ZC3H18: variants seen among roughly 807,000 people sequenced by gnomAD.
ZC3H18 encodes zinc finger CCCH domain-containing protein 18.
Under a neutral mutation model 106.1 loss-of-function variants are expected in ZC3H18, and 8 were observed. The observed-to-expected ratio is 0.08, with a 90% CI of 0.04 to 0.14. The LOEUF is 0.14. Ranked by LOEUF, ZC3H18 falls within the 10% of genes least tolerant of loss-of-function variation. ZC3H18 has a pLI of 1.00. For synonymous variants in ZC3H18, 635 were observed against 522.1 expected, an observed-to-expected ratio of 1.22 and a Z score of -2.95; for missense variants, 1,318 against 1,278.4, an observed-to-expected ratio of 1.03 and a Z score of -0.47.
chr16:88,616,046 TGACG>T (rs1308056700), intron 8 of ZC3H18, among the ~76,000 whole-genome samples: 3 of 152,108 alleles, frequency 2.0e-5, no homozygotes, highest in African/African-American at 2.4e-5. Flanking sequence ...GGAAAGCGGG[TGACG>T]GATCCCAGGA....
chr16:88,601,310 G>T (rs1904738690), intron 6 of ZC3H18, among the ~76,000 whole-genome samples: 1 of 152,256 alleles, frequency 6.6e-6, no homozygotes, highest in Non-Finnish European at 1.5e-5. Flanking sequence ...AAGCCCTGGA[G>T]GCCTTTGTGT....
chr16:88,600,418 G>A (rs1391280939), intron 6 of ZC3H18, among the ~76,000 whole-genome samples: 1 of 152,078 alleles, frequency 6.6e-6, no homozygotes, highest in Non-Finnish European at 1.5e-5. Flanking sequence ...TTTGTTTTTT[G>A]GTTTTTTTTC....
chr16:88,583,967 A>T (rs1915292204), intron 2 of ZC3H18, among the ~76,000 whole-genome samples: 1 of 152,164 alleles, frequency 6.6e-6, no homozygotes, highest in Non-Finnish European at 1.5e-5. Context: ...TTAGTGTGAC[A>T]ATCTCAGATG....
At chr16:88,619,597 G>A (rs1905835160) in intron 8 of ZC3H18, among the ~76,000 whole-genome samples, 1 of 152,290 alleles carries the variant, frequency 6.6e-6, no homozygotes, top group Non-Finnish European at 1.5e-5. Context: ...TTTCTGGGGG[G>A]CAAGCACCAG....
intron 6 of ZC3H18, among the ~76,000 whole-genome samples, chr16:88,603,180 A>C (rs1904839239): frequency 6.6e-6 from 1 of 151,782 alleles, no homozygotes; most frequent in African/African-American, 2.4e-5. Flanking sequence ...TTAGCCAGGA[A>C]TGGCCTCAAT....
intron 8 of ZC3H18, among the ~76,000 whole-genome samples, chr16:88,620,473 CAA>C: frequency 6.6e-6 from 1 of 151,722 alleles, no homozygotes; most frequent in East Asian, 1.9e-4. Context: ...CCTGGCTACT[CAA>C]GAGGCTGAGG....
chr16:88,591,263 C>A (rs992568826), intron 3 of ZC3H18, among the ~76,000 whole-genome samples: 3 of 151,978 alleles, frequency 2.0e-5, no homozygotes, highest in Admixed American at 1.3e-4. Flanking sequence ...AGTCACTGCA[C>A]CTGGCCTTCT....
At chr16:88,586,437 T>C (rs1915435208) in intron 2 of ZC3H18, among the ~76,000 whole-genome samples, 163 bp from the exon 3 acceptor site, 1 of 152,192 alleles carries the variant, frequency 6.6e-6, no homozygotes, top group Non-Finnish European at 1.5e-5. Context: ...TGATCATCCC[T>C]GCTATGTAGA....
chr16:88,625,386 G>GAGTC (rs752303172), intron 13 of ZC3H18, 119 bp downstream of exon 13: 29 of 1,281,554 alleles, frequency 2.3e-5, no homozygotes, highest in Non-Finnish European at 3.2e-5. Flanking sequence ...TTCTGGATCT[G>GAGTC]AGTCACCCTG....
At chr16:88,593,653 G>A (rs936394000) in intron 3 of ZC3H18, among the ~76,000 whole-genome samples, 4 of 152,188 alleles carry the variant, frequency 2.6e-5, no homozygotes, top group Admixed American at 2.0e-4. Flanking sequence ...CTGGAGCTGC[G>A]GCTGACCCTG....
At chr16:88,628,209 C>T (rs982118367) in intron 15 of ZC3H18, 90 bp downstream of exon 15, 24 of 1,475,582 alleles carry the variant, frequency 1.6e-5, no homozygotes, top group Non-Finnish European at 2.1e-5. Context: ...GGGGACGGAG[C>T]CTGAGTGAGG....
intron 2 of ZC3H18, among the ~76,000 whole-genome samples, chr16:88,582,957 T>G (rs1425950190): frequency 1.3e-5 from 2 of 152,208 alleles, no homozygotes; most frequent in African/African-American, 4.8e-5. Flanking sequence ...TTCTGAATTC[T>G]CAAGACACCT....
intron 1 of ZC3H18, among the ~76,000 whole-genome samples, chr16:88,572,336 C>G (rs576539842): frequency 2.0e-5 from 3 of 152,232 alleles, no homozygotes; most frequent in Non-Finnish European, 4.4e-5. Context: ...CGGAGTCTCA[C>G]TCTGTTGCCC....
rs1914715512 is a variant in ZC3H18, at chr16:88,575,846, T to C, written c.-14-1264T>C. ...CTCCTGCGTCAGACTCCCAAGTAGCTGGGAATATAGGCACGCACCACCACA... is the reference window on the plus strand; with the variant it reads ...CTCCTGCGTCAGACTCCCAAGTAGCCGGGAATATAGGCACGCACCACCACA... On this transcript the variant is annotated intron_variant, in intron 1 of 17. Transcript: ENST00000301011. Among the ~76,000 whole-genome samples the C allele has an allele frequency of 2.0e-5, 3 of 152,022 alleles. No individual in the cohort carries two copies. The South Asian group carries it at 6.2e-4, about 32-fold the overall frequency.
At position 88,578,431 on chromosome 16, in the gene ZC3H18, G is replaced by A. The variant is rs540588738; in HGVS notation, c.603+705G>A. ...CCGTTGGAAAAACTATGAGTGTTTC[G>A]GGAGAAACACCCCAAAGTCCTCCTG... On this transcript the variant is annotated intron_variant, in intron 2 of 17. Transcript: ENST00000301011. Among the ~76,000 whole-genome samples the A allele has an allele frequency of 1.6e-4, 24 of 152,230 alleles. No homozygotes were observed. The East Asian group carries it at 3.9e-3, about 24-fold the overall frequency.
At chr16:88,572,840 C>G (rs568666384) in intron 1 of ZC3H18, among the ~76,000 whole-genome samples, 40 of 152,122 alleles carry the variant, frequency 2.6e-4, no homozygotes, top group Non-Finnish European at 2.6e-4. Flanking sequence ...TCACTGCAAC[C>G]TCCTCCTCCT....
chr16:88,603,584 C>G (rs1432053058), intron 6 of ZC3H18, among the ~76,000 whole-genome samples: 1 of 150,164 alleles, frequency 6.7e-6, no homozygotes, highest in Non-Finnish European at 1.5e-5. Flanking sequence ...AGATCATGCC[C>G]CTGCACTCCA....
chr16:88,578,926 G>A (rs924612064), intron 2 of ZC3H18, among the ~76,000 whole-genome samples: 1 of 152,206 alleles, frequency 6.6e-6, no homozygotes, highest in Non-Finnish European at 1.5e-5. Context: ...GACCTCAGGT[G>A]ATCCGGCCGT....
Position 88,627,738 on chromosome 16 carries a change from C to G in ZC3H18, c.2225C>G (p.Ala742Gly), listed in dbSNP as rs780348942. ...GACCTGGCTAGCCCCGTGTCCTCAG[C>G]CAGCTCTCGGTCCCCGGCCCCAGCC... ...YADLASPVSS[A>G]SSRSPAPAQT... The change falls in exon 14 of 18, where the codon GCC (alanine) becomes GGC (glycine). Residue 742 changes from alanine to glycine, a missense_variant. Ala to Gly is a moderately conservative substitution (Grantham distance 60). This residue lies in a region of ZC3H18 where 848 missense variants were observed against 821.7 expected (regional missense o/e 1.03). Coordinates refer to ENST00000301011, the MANE Select transcript of ZC3H18 (RefSeq NM_144604.4). This position sits in a 1 kb window ranked among gnomAD's most constrained non-coding sequence, Gnocchi z 4.5. The G allele has an allele frequency of 6.2e-7, 1 of 1,613,164 alleles. No individual in the cohort carries two copies. Among genetic ancestry groups the G allele is most frequent in the Non-Finnish European group, 8.5e-7 (1 of 1,179,468 alleles).
Sources: gnomAD v4.1 joint callset for allele counts (sites outside exome capture counted in the v4.1 genomes callset) on GRCh38, gnomAD v4.1.1 for gene constraint, gnomAD v4.1.1 regional missense constraint, Gnocchi (gnomAD v3.1) non-coding constraint, MANE v1.5 for transcripts, NCBI Gene and HGNC (gene_info 2026-07-23, HGNC 2026-07-21) for gene names.